Variants in NFXL1 observed in about 807,000 individuals in gnomAD.
NFXL1 encodes the protein NF-X1-type zinc finger protein NFXL1.
NFXL1 carries 66 observed loss-of-function variants against 123.3 expected under a neutral mutation model. The observed-to-expected ratio is 0.54, with a 90% CI of 0.44 to 0.66. The LOEUF (loss-of-function observed/expected upper bound fraction) is 0.66, where lower values mean the gene tolerates loss of function less well. NFXL1 is among the 30% of genes least tolerant of loss of function. The pLI, the probability that NFXL1 is intolerant of heterozygous loss-of-function variation, is 0.00. For missense variants in NFXL1, 944 were observed against 1,125.6 expected (o/e 0.84, Z 2.31); for synonymous variants, 346 against 360.8 (o/e 0.96, Z 0.46).
At chr4:47,888,042 G>A (rs1220670954) in intron 12 of NFXL1, among the ~76,000 whole-genome samples, 6 of 152,092 alleles carry the variant, frequency 3.9e-5, no homozygotes, top group African/African-American at 7.2e-5. Flanking sequence ...TTGGGAGGCC[G>A]AAGCAGGCAG....
At chr4:47,879,046 G>A in intron 16 of NFXL1, 50 bp downstream of exon 16, 4 of 1,082,408 alleles carry the variant, frequency 3.7e-6, no homozygotes, top group Non-Finnish European at 5.4e-6. Context: ...ATACTAGTAT[G>A]TAACAGTATA....
At chr4:47,849,046 TA>T (rs1403148550) in intron 22 of NFXL1, among the ~76,000 whole-genome samples, 4 of 152,218 alleles carry the variant, frequency 2.6e-5, no homozygotes, top group African/African-American at 4.8e-5. Flanking sequence ...CTGTGATGCC[TA>T]GTGAGAATGA....
intron 12 of NFXL1, among the ~76,000 whole-genome samples, chr4:47,886,908 TTTCTCATGACCTGATATTGGTTAG>T (rs1191337772): frequency 6.6e-6 from 1 of 152,226 alleles, no homozygotes; most frequent in Non-Finnish European, 1.5e-5. Flanking sequence ...CAATAACTTC[TTTCTCATGACCTGATATTGGTTAG>T]TAGCAAGCAC....
chr4:47,863,651 C>T (rs1250861720), intron 18 of NFXL1, among the ~76,000 whole-genome samples: 2 of 152,094 alleles, frequency 1.3e-5, no homozygotes, highest in Non-Finnish European at 2.9e-5. Context: ...CACTGCACTC[C>T]AGTCTGGGTG....
rs1307172135 is a variant in NFXL1 at position 47,885,884 on chromosome 4, T to C, written c.1659A>G (p.Gln553=). ...RTTRPPKCKE[Q]CSRPPTCHHT... is the part of the protein sequence containing the mutation. ...GTGCAAAGCTTCAAACTCACCTGCA[T>C]TGCTCCTTGCACTTGGGTGGTCTTG... Residue 553 remains glutamine, a synonymous_variant, in exon 13 of 23, where the codon CAA becomes CAG. Coordinates refer to ENST00000507489, the MANE Select transcript of NFXL1 (RefSeq NM_001278624.2). 1.7e-5 allele frequency: 28 copies of C among 1,613,624 alleles called. No homozygotes were observed. The highest frequency in any genetic ancestry group is 2.2e-5 in the Non-Finnish European group (26 of 1,179,862).
chr4:47,893,924 ATAGTGAT>A (rs1736924801), intron 11 of NFXL1, among the ~76,000 whole-genome samples: 1 of 39,436 alleles, frequency 2.5e-5, no homozygotes, highest in Non-Finnish European at 5.6e-5. Flanking sequence ...GTGATCAGAA[ATAGTGAT>A]CAGAAATATC....
chr4:47,880,297 G>C (rs771820323), intron 15 of NFXL1, among the ~76,000 whole-genome samples: 41 of 151,838 alleles, frequency 2.7e-4, no homozygotes, highest in Middle Eastern at 3.4e-3. Flanking sequence ...CAGGTACTAG[G>C]GGGTTGGGGG....
At chr4:47,872,387 A>T (rs190678176) in intron 18 of NFXL1, among the ~76,000 whole-genome samples, 2 of 151,358 alleles carry the variant, frequency 1.3e-5, no homozygotes, top group Non-Finnish European at 2.9e-5. Context: ...GCTTGAACCC[A>T]GGAGGCAGAG....
rs766279586 is a variant in NFXL1 at position 47,855,144 on chromosome 4, C to T, written c.2336G>A (p.Cys779Tyr). The T allele has an allele frequency of 2.1e-5, 34 of 1,582,324 alleles. No individual in the cohort carries two copies. The highest frequency in any genetic ancestry group is 2.9e-5 in the Non-Finnish European group (34 of 1,157,738). ...CPKELPCGHR[C>Y]KEMCHPGECP... is the part of the protein sequence containing the mutation. ...TTCACCAGGATGACACATCTCTTTG[C>T]ATCTATGACCACAAGGAAGCTAAAA... Residue 779 changes from cysteine (C) to tyrosine (Y), a missense_variant, in exon 20 of 23, where the codon TGC becomes TAC. Cys to Tyr is a radical substitution (Grantham distance 194). This residue lies in a region of NFXL1 where 301 missense variants were observed against 348.0 expected (regional missense o/e 0.86). Coordinates refer to ENST00000507489, the MANE Select transcript of NFXL1 (RefSeq NM_001278624.2).
chr4:47,886,481 C>T (rs768283914), intron 12 of NFXL1, among the ~76,000 whole-genome samples: 3 of 152,010 alleles, frequency 2.0e-5, no homozygotes, highest in African/African-American at 4.8e-5. Flanking sequence ...AATCCTCCCA[C>T]GTCAGCCTTC....
chr4:47,900,997 TG>T (rs1293251745), intron 5 of NFXL1, among the ~76,000 whole-genome samples: 1 of 152,178 alleles, frequency 6.6e-6, no homozygotes, highest in African/African-American at 2.4e-5. Context: ...TTAATAAGCG[TG>T]GGTATGGATG....
At chr4:47,848,455 T>C (rs1463790160) in intron 22 of NFXL1, 119 bp from the exon 23 acceptor site, 3 of 727,988 alleles carry the variant, frequency 4.1e-6, no homozygotes, top group South Asian at 4.4e-5. Flanking sequence ...AGTCAATATA[T>C]TGATTTGATT....
At chr4:47,848,448 C>G in intron 22 of NFXL1, 112 bp from the exon 23 acceptor site, 1 of 745,552 alleles carries the variant, frequency 1.3e-6, no homozygotes, top group Non-Finnish European at 2.1e-6. Flanking sequence ...GATATATAGT[C>G]AATATATTGA....
intron 17 of NFXL1, among the ~76,000 whole-genome samples, chr4:47,875,621 AAGAC>A (rs1735699099): frequency 6.6e-6 from 1 of 152,180 alleles, no homozygotes; most frequent in African/African-American, 2.4e-5. Context: ...AGAATCGTCA[AAGAC>A]AGAAATAAAA....
chr4:47,889,996 C>T (rs1736671465), intron 12 of NFXL1, among the ~76,000 whole-genome samples: 1 of 151,912 alleles, frequency 6.6e-6, no homozygotes, highest in Non-Finnish European at 1.5e-5. Context: ...AGTTATTTTT[C>T]ATAAAACATT....
At chr4:47,886,222 G>A (rs1736420326) in intron 12 of NFXL1, among the ~76,000 whole-genome samples, 1 of 152,160 alleles carries the variant, frequency 6.6e-6, no homozygotes, top group Admixed American at 6.5e-5. Flanking sequence ...AAAATGTACT[G>A]TTCAAAATCA....
intron 12 of NFXL1, among the ~76,000 whole-genome samples, chr4:47,886,699 C>T (rs1457483630): frequency 6.6e-6 from 1 of 152,150 alleles, no homozygotes; most frequent in Non-Finnish European, 1.5e-5. Flanking sequence ...TCTCTGTACA[C>T]TGGTACCTCA....
chr4:47,897,702 G>A (rs1737164404), intron 9 of NFXL1, among the ~76,000 whole-genome samples: 2 of 152,126 alleles, frequency 1.3e-5, no homozygotes, highest in African/African-American at 2.4e-5. Flanking sequence ...AGTATCACAC[G>A]GAGGAGTTTC....
At chr4:47,889,476 C>A (rs1187248221) in intron 12 of NFXL1, among the ~76,000 whole-genome samples, 1 of 152,122 alleles carries the variant, frequency 6.6e-6, no homozygotes, top group African/African-American at 2.4e-5. Flanking sequence ...CCTGACTCTG[C>A]GACTAGTTCT....
Sources: allele counts gnomAD v4.1 joint callset (sites outside exome capture counted in the v4.1 genomes callset), GRCh38; gene constraint gnomAD v4.1.1; regional missense constraint gnomAD v4.1.1; transcripts MANE v1.5; gene names NCBI Gene and HGNC (gene_info 2026-07-23, HGNC 2026-07-21).